The following VWF variants were observed in gnomAD, a reference collection of about 807,000 sequenced individuals.
The protein encoded by VWF is Factor VIII related antigen.
In VWF, 176 loss-of-function variants were observed where a neutral mutation model predicts 308.6. The observed-to-expected ratio is 0.57, with a 90% CI of 0.50 to 0.65. The LOEUF (loss-of-function observed/expected upper bound fraction) is 0.65, where lower values mean the gene tolerates loss of function less well. VWF is among the 30% of genes least tolerant of loss of function. The probability of loss-of-function intolerance (pLI) is 0.00; values close to 1 mark genes in which losing one functional copy is unlikely to be tolerated. For missense variants in VWF, 3,146 were observed against 3,648.2 expected (o/e 0.86, Z 3.55); for synonymous variants, 1,385 against 1,443.4 (o/e 0.96, Z 0.92).
chr12:6,092,622 T>TGAGAGAGAGAGAGAGAGAGAGAGAGAGA lies in VWF; in HGVS notation c.657+2837_657+2838insTCTCTCTCTCTCTCTCTCTCTCTCTCTC, dbSNP rs1403649370. On this transcript the variant is annotated intron_variant, in intron 6 of 51. Coordinates refer to ENST00000261405, the MANE Select transcript of VWF (RefSeq NM_000552.5). ...GCTAGTTAGTGAGTGAGTGAGAGTG[T>TGAGAGAGAGAGAGAGAGAGAGAGAGAGA]GTGTGTGTGTGTGTGTGTGTGTGTG... Among the ~76,000 whole-genome samples, 11 of 91,526 alleles carry TGAGAGAGAGAGAGAGAGAGAGAGAGAGA rather than the reference T, an allele frequency of 1.2e-4. 1 individual carries two copies. The highest frequency in any genetic ancestry group is 4.8e-4 in the African/African-American group (9 of 18,910). 60.0% of individuals were successfully genotyped at this position (91,526 alleles called of 152,430 possible).
At chr12:6,090,240 A>G (rs867862396) in intron 6 of VWF, among the ~76,000 whole-genome samples, 22 of 152,298 alleles carry the variant, frequency 1.4e-4, no homozygotes, top group African/African-American at 5.1e-4. Flanking sequence ...TACAGGCGTG[A>G]GCCACCGTGC....
chr12:6,010,617 G>A lies in VWF; in HGVS notation c.5842+1000C>T, dbSNP rs189119650. Among the ~76,000 whole-genome samples the A allele has an allele frequency of 1.2e-4, 19 of 152,294 alleles. 1 individual carries two copies. In the East Asian group the frequency reaches 2.9e-3, roughly 23 times the overall value. On this transcript the variant is annotated intron_variant, in intron 34 of 51. Coordinates refer to ENST00000261405, the MANE Select transcript of VWF (RefSeq NM_000552.5). ...ACAAAACACTGGAAACAGCCTAAAC[G>A]CACATCCATAGAAGAACAGTTGGGT...
chr12:6,028,999 C>A (rs1321591471), intron 22 of VWF, among the ~76,000 whole-genome samples: 1 of 151,794 alleles, frequency 6.6e-6, no homozygotes, highest in Admixed American at 6.6e-5. Flanking sequence ...CATCAGTGTG[C>A]TGTATTCAGG....
intron 4 of VWF, 95 bp downstream of exon 4, chr12:6,110,771 T>C: frequency 7.0e-7 from 1 of 1,428,566 alleles, no homozygotes. Flanking sequence ...AACATTTGCT[T>C]CCATTCTCTG....
intron 17 of VWF, among the ~76,000 whole-genome samples, chr12:6,045,507 ACT>A (rs200552330): frequency 0.013 from 1,906 of 152,194 alleles, 26 homozygotes; most frequent in Non-Finnish European, 0.018. Context: ...TGTGGGGAAA[ACT>A]CTCTGAGAGG....
chr12:6,106,620 T>C (rs1945246789), intron 5 of VWF, among the ~76,000 whole-genome samples: 1 of 152,102 alleles, frequency 6.6e-6, no homozygotes, highest in Non-Finnish European at 1.5e-5. Flanking sequence ...ACGCCTGTAA[T>C]CCCAGCACTT....
chr12:5,994,560 G>C lies in VWF; in HGVS notation c.6111C>G (p.Asn2037Lys). Residue 2037 changes from asparagine (N) to lysine (K), a missense_variant, in exon 36 of 52, where the codon AAC becomes AAG. Physicochemically the swap from Asn to Lys is moderately conservative, Grantham distance 94 (BLOSUM62 0). This residue lies in a region of VWF where 989 missense variants were observed against 1,117.4 expected (regional missense o/e 0.89). Coordinates refer to ENST00000261405, the MANE Select transcript of VWF (RefSeq NM_000552.5). ...TGGCACCATAAACGTTGACTTCCAT[G>C]TTCCCACCCACGTAAGGAACAGAGA... ...RLVSVPYVGG[N>K]MEVNVYGAIM... 1 of 1,613,976 alleles carries C rather than the reference G, an allele frequency of 6.2e-7. No homozygotes were observed. Among genetic ancestry groups the C allele is most frequent in the African/African-American group, 1.3e-5 (1 of 75,028 alleles).
intron 10 of VWF, among the ~76,000 whole-genome samples, chr12:6,068,008 G>A (rs1454291535): frequency 6.6e-6 from 1 of 151,820 alleles, no homozygotes; most frequent in Non-Finnish European, 1.5e-5. Flanking sequence ...GGTGGCAGGT[G>A]CCTGTAATCC....
chr12:5,988,674 A>G (rs991580253), intron 38 of VWF, among the ~76,000 whole-genome samples: 2 of 152,216 alleles, frequency 1.3e-5, no homozygotes, highest in African/African-American at 4.8e-5. Flanking sequence ...AAAATTTAAA[A>G]AACAAGCTAA....
intron 16 of VWF, among the ~76,000 whole-genome samples, chr12:6,047,947 C>T (rs1944464767): frequency 6.6e-6 from 1 of 152,220 alleles, no homozygotes; most frequent in African/African-American, 2.4e-5. Context: ...TGCACAGAGG[C>T]AGAAGGGCGG....
chr12:6,074,539 C>T (rs1591901661), intron 7 of VWF, among the ~76,000 whole-genome samples: 1 of 149,818 alleles, frequency 6.7e-6, no homozygotes, highest in East Asian at 1.9e-4. Flanking sequence ...GAGAAGAAAC[C>T]AGCTGCTAGC....
intron 49 of VWF, 68 bp downstream of exon 49, chr12:5,952,323 A>G (rs896796438): frequency 4.9e-5 from 79 of 1,605,654 alleles, no homozygotes; most frequent in Non-Finnish European, 1.4e-5. Context: ...GCTGGGATGC[A>G]CACTATTCAG....
chr12:6,034,324 T>A (rs1483453758), intron 20 of VWF, among the ~76,000 whole-genome samples: 1 of 152,066 alleles, frequency 6.6e-6, no homozygotes, highest in African/African-American at 2.4e-5. Context: ...CCCAACCCAC[T>A]CCCTAAGCTA....
Position 6,110,522 on chromosome 12 carries a change from CT to C in VWF, c.383del (p.Lys128SerfsTer47). 6.2e-7 allele frequency: 1 copy of C among 1,614,192 alleles called. No individual in the cohort carries two copies. The highest frequency in any genetic ancestry group is 1.1e-5 in the South Asian group (1 of 91,088). ...LYLETEAGYY[K>X]LSGEAYGFVA... ...CAAAGCCATAGGCCTCACCGGACAG[CT>C]TGTAGTACCCAGCCTCAGTTTCTAG... On this transcript the variant is annotated frameshift_variant, in exon 5 of 52. Transcript: ENST00000261405. LOFTEE classifies it high-confidence loss of function.
At chr12:5,985,883 C>T (rs535629226) in intron 38 of VWF, among the ~76,000 whole-genome samples, 85 of 152,260 alleles carry the variant, frequency 5.6e-4, no homozygotes, top group South Asian at 2.3e-3. Flanking sequence ...AACTAACATG[C>T]GGAAATTTTC....
At chr12:6,009,330 A>C (rs1406531334) in intron 34 of VWF, among the ~76,000 whole-genome samples, 1 of 152,122 alleles carries the variant, frequency 6.6e-6, no homozygotes, top group Non-Finnish European at 1.5e-5. Flanking sequence ...AAACTCAATT[A>C]TATGAAAAAA....
Position 6,019,073 on chromosome 12 carries a change from G to A in VWF, c.4345C>T (p.Gln1449Ter). The A allele has an allele frequency of 6.2e-7, 1 of 1,613,922 alleles. No homozygotes were observed. The highest frequency in any genetic ancestry group is 8.5e-7 in the Non-Finnish European group (1 of 1,179,864). ...AGGTAGCTAACGATCTCGTCCCTTT[G>A]CTGCTCCAGCTCATCCACACTGCTC... ...VLSSVDELEQ[Q>*]RDEIVSYLCD... The change falls in exon 28 of 52, where the codon CAA becomes TAA. Residue 1449 changes from glutamine (Q) to a stop codon, truncating the protein, a stop_gained. Coordinates refer to ENST00000261405, the MANE Select transcript of VWF (RefSeq NM_000552.5). LOFTEE classifies it high-confidence loss of function. This position sits in a 1 kb window ranked among gnomAD's most constrained non-coding sequence, Gnocchi z 5.8.
chr12:6,079,374 A>C (rs555887613), intron 6 of VWF, among the ~76,000 whole-genome samples: 1 of 152,320 alleles, frequency 6.6e-6, no homozygotes, highest in Non-Finnish European at 1.5e-5. Flanking sequence ...TTGGAGGCCA[A>C]GGCGGGCGGA....
intron 3 of VWF, among the ~76,000 whole-genome samples, chr12:6,117,354 C>A (rs1417588788): frequency 6.6e-6 from 1 of 152,200 alleles, no homozygotes; most frequent in African/African-American, 2.4e-5. Flanking sequence ...ACCTCTAGCA[C>A]AAACCTGTGT....
Sources: allele counts gnomAD v4.1 joint callset (sites outside exome capture counted in the v4.1 genomes callset), GRCh38; gene constraint gnomAD v4.1.1; regional missense constraint gnomAD v4.1.1; non-coding constraint Gnocchi (gnomAD v3.1); transcripts MANE v1.5; gene names NCBI Gene and HGNC (gene_info 2026-07-23, HGNC 2026-07-21).